Variants in LRRC17 observed in about 807,000 individuals in gnomAD.
The protein encoded by LRRC17 is leucine-rich repeat-containing protein 17.
A neutral mutation model predicts 41.5 loss-of-function variants in LRRC17; 33 were observed. That is an observed-to-expected ratio of 0.80 (90% confidence interval 0.60 to 1.06). The LOEUF is 1.06. LRRC17 is among the 50% of genes least tolerant of loss of function. The pLI is 0.00. For missense variants in LRRC17, 491 were observed against 519.3 expected (o/e 0.95, Z 0.53); for synonymous variants, 192 against 197.0 (o/e 0.97, Z 0.21).
intron 1 of LRRC17, among the ~76,000 whole-genome samples, chr7:102,931,066 G>A (rs1294791706): frequency 6.6e-6 from 1 of 152,150 alleles, no homozygotes. Context: ...CCCAGCCCTG[G>A]GAGCCAGTGA....
chr7:102,917,679 G>A (rs1254836627), intron 1 of LRRC17, among the ~76,000 whole-genome samples: 1 of 152,112 alleles, frequency 6.6e-6, no homozygotes, highest in Non-Finnish European at 1.5e-5. Context: ...CGAAGAGTAA[G>A]GGAAGAACCT....
At chr7:102,940,383 T>G (rs574863207) in intron 3 of LRRC17, among the ~76,000 whole-genome samples, 1 of 151,718 alleles carries the variant, frequency 6.6e-6, no homozygotes, top group Non-Finnish European at 1.5e-5. Context: ...CTAATTTTTC[T>G]GTATTTTTAG....
intron 1 of LRRC17, among the ~76,000 whole-genome samples, chr7:102,927,901 A>G (rs1161775523): frequency 1.3e-5 from 2 of 152,256 alleles, no homozygotes; most frequent in Non-Finnish European, 2.9e-5. Flanking sequence ...TGGCATGCCA[A>G]TCAAGTATCA....
intron 1 of LRRC17, among the ~76,000 whole-genome samples, chr7:102,926,965 T>C (rs1818259370): frequency 6.6e-6 from 1 of 152,184 alleles, no homozygotes; most frequent in African/African-American, 2.4e-5. Context: ...TACATACCAG[T>C]TGGGCAGGAG....
At chr7:102,938,888 G>A (rs1820842790) in intron 2 of LRRC17, among the ~76,000 whole-genome samples, 1 of 152,146 alleles carries the variant, frequency 6.6e-6, no homozygotes. Context: ...TTTTACCCAG[G>A]ACTGCTGCTG....
At chr7:102,944,075 A>G in intron 3 of LRRC17, 135 bp from the exon 4 acceptor site, 2 of 685,244 alleles carry the variant, frequency 2.9e-6, no homozygotes, top group Non-Finnish European at 4.6e-6. Context: ...TCTGAGAAAA[A>G]GAAAGGAAAA....
chr7:102,942,280 T>A, intron 3 of LRRC17: 1 of 1,594,966 alleles, frequency 6.3e-7, no homozygotes, highest in Non-Finnish European at 8.5e-7. Context: ...AAAGGTCTCC[T>A]ATATTTCAGG....
At chr7:102,941,454 T>C (rs1423110115) in intron 3 of LRRC17, among the ~76,000 whole-genome samples, 1 of 152,208 alleles carries the variant, frequency 6.6e-6, no homozygotes, top group East Asian at 1.9e-4. Context: ...AAAACTCTGA[T>C]GCCTGAATGC....
chr7:102,943,611 C>T (rs562458963), intron 3 of LRRC17, among the ~76,000 whole-genome samples: 5 of 152,300 alleles, frequency 3.3e-5, no homozygotes, highest in South Asian at 4.1e-4. Flanking sequence ...CACTAAGAGA[C>T]TGCAAAGACT....
At chr7:102,932,237 C>T (rs1422305483) in intron 1 of LRRC17, among the ~76,000 whole-genome samples, 1 of 152,088 alleles carries the variant, frequency 6.6e-6, no homozygotes, top group Non-Finnish European at 1.5e-5. Flanking sequence ...TGAAGAAAAC[C>T]AACCTGGTTT....
Position 102,944,726 on chromosome 7 carries a change from G to A in LRRC17, c.*119G>A, listed in dbSNP as rs1296468483. On this transcript the variant is annotated 3_prime_UTR_variant, in exon 4 of 4. Coordinates refer to ENST00000339431, the MANE Select transcript of LRRC17 (RefSeq NM_001031692.3). ...ATGCAGGGTAATCCAGCTAAAGGAA[G>A]CTTTCTTTAATTATAAGTATTATTG... 16 of 875,808 alleles carry A rather than the reference G, an allele frequency of 1.8e-5. No individual in the cohort carries two copies. Among genetic ancestry groups the A allele is most frequent in the African/African-American group, 3.4e-5 (2 of 58,732 alleles). The allele number at this position is 875,808 out of a possible 1,614,324, so 54.3% of individuals were successfully genotyped here.
At chr7:102,926,390 A>G (rs575828020) in intron 1 of LRRC17, 1 of 1,597,956 alleles carries the variant, frequency 6.3e-7, no homozygotes, top group Non-Finnish European at 8.6e-7. Context: ...TGAAAAACAG[A>G]GGGAAGAGGC....
chr7:102,923,928 C>G (rs551965822), intron 1 of LRRC17, among the ~76,000 whole-genome samples: 1 of 151,398 alleles, frequency 6.6e-6, no homozygotes, highest in Non-Finnish European at 1.5e-5. Context: ...AATTGGTTAC[C>G]TATTTAACAA....
chr7:102,913,213 T>A lies in LRRC17; in HGVS notation c.-141+68T>A. On this transcript the variant is annotated intron_variant, in intron 1 of 3. Coordinates refer to ENST00000339431, the MANE Select transcript of LRRC17 (RefSeq NM_001031692.3). ...ACTAAGATTCTGTAAGTTGTGGAAG[T>A]GCCTGAAAAGACAAAAGAGAGGAAG... The A allele has an allele frequency of 3.1e-6, 5 of 1,614,142 alleles. No individual in the cohort carries two copies. The East Asian group carries it at 1.1e-4, about 36-fold the overall frequency.
intron 1 of LRRC17, among the ~76,000 whole-genome samples, chr7:102,915,951 A>C (rs569792969): frequency 5.7e-4 from 86 of 152,174 alleles, no homozygotes; most frequent in African/African-American, 2.0e-3. Flanking sequence ...CTACATTTCA[A>C]TTACAGTTAA....
chr7:102,921,707 A>C (rs897981447), intron 1 of LRRC17, among the ~76,000 whole-genome samples: 2 of 152,134 alleles, frequency 1.3e-5, no homozygotes, highest in South Asian at 2.1e-4. Flanking sequence ...AAAATAAAAG[A>C]AGCTCTGTTT....
intron 1 of LRRC17, among the ~76,000 whole-genome samples, chr7:102,925,148 C>T (rs192249581): frequency 1.1e-4 from 16 of 152,302 alleles, no homozygotes; most frequent in Admixed American, 8.5e-4. Flanking sequence ...CATGCCAGCA[C>T]TTTGGGAGGC....
chr7:102,917,606 T>C (rs1344937820), intron 1 of LRRC17, among the ~76,000 whole-genome samples: 2 of 152,166 alleles, frequency 1.3e-5, no homozygotes, highest in Non-Finnish European at 2.9e-5. Context: ...AGCAATCAGA[T>C]GACTGGAGTT....
Position 102,939,467 on chromosome 7 carries a change from T to C in LRRC17, c.810T>C (p.Ile270=). The C allele has an allele frequency of 6.2e-7, 1 of 1,613,618 alleles. No homozygotes were observed. The highest frequency in any genetic ancestry group is 8.5e-7 in the Non-Finnish European group (1 of 1,179,836). ...TGCCAAACAACATCCCTCCAGATAT[T>C]GTTAAACTTGACTTGTCATACAATA... ...KKVPNNIPPD[I]VKLDLSYNKI... The change falls in exon 3 of 4, where the codon ATT becomes ATC. Residue 270 remains isoleucine, a synonymous_variant. Transcript: ENST00000339431.
Sources: allele counts gnomAD v4.1 joint callset (sites outside exome capture counted in the v4.1 genomes callset), GRCh38; gene constraint gnomAD v4.1.1; transcripts MANE v1.5; gene names NCBI Gene and HGNC (gene_info 2026-07-23, HGNC 2026-07-21).